The following LRFN2 variants were observed in gnomAD, a reference collection of about 807,000 sequenced individuals.
LRFN2 encodes the protein leucine rich repeat and fibronectin type III domain containing 2, also known as leucine-rich repeat and fibronectin type-III domain-containing protein 2.
A neutral mutation model predicts 37.3 loss-of-function variants in LRFN2; 18 were observed. The observed-to-expected ratio is 0.48, with a 90% CI of 0.33 to 0.72. The LOEUF is 0.72. Among genes scored for constraint, LRFN2 ranks in the 30% least tolerant of loss-of-function variants. The pLI, the probability that LRFN2 is intolerant of heterozygous loss-of-function variation, is 0.02. For synonymous variants in LRFN2, 556 were observed against 466.6 expected (o/e 1.19, Z -2.47); for missense variants, 1,006 against 1,060.7 (o/e 0.95, Z 0.72).
intron 1 of LRFN2, among the ~76,000 whole-genome samples, chr6:40,536,445 C>G (rs1347185085): frequency 6.6e-6 from 1 of 152,236 alleles, no homozygotes; most frequent in African/African-American, 2.4e-5. Flanking sequence ...CCCAAGGTCA[C>G]AGTGTGACTT....
chr6:40,424,769 G>C (rs546613441), intron 2 of LRFN2, among the ~76,000 whole-genome samples: 3 of 152,096 alleles, frequency 2.0e-5, no homozygotes, highest in Non-Finnish European at 4.4e-5. Context: ...CCGAGTCAAA[G>C]AATCTTCTCT....
chr6:40,408,657 C>G (rs1278405171), intron 2 of LRFN2, among the ~76,000 whole-genome samples: 1 of 152,174 alleles, frequency 6.6e-6, no homozygotes, highest in Non-Finnish European at 1.5e-5. Context: ...TACTTACCCT[C>G]TGCCTCAGTT....
chr6:40,425,604 A>T (rs1000421460), intron 2 of LRFN2, among the ~76,000 whole-genome samples: 1 of 152,042 alleles, frequency 6.6e-6, no homozygotes, highest in African/African-American at 2.4e-5. Flanking sequence ...TGTTGCTGTC[A>T]CCATTAGTGC....
Position 40,397,976 on chromosome 6 carries a change from C to T in LRFN2, c.1401-5064G>A, listed in dbSNP as rs116006222. On this transcript the variant is annotated intron_variant, in intron 2 of 2. Transcript: ENST00000338305. ...TGGCATTGGTTGTCACATTGAAGTG[C>T]ATGATGATTATTTCTGGTAACTTAG... Among the ~76,000 whole-genome samples the T allele has an allele frequency of 9.4e-3, 1,425 of 151,976 alleles. 30 individuals carry two copies. Among genetic ancestry groups the T allele is most frequent in the African/African-American group, 0.031 (1,290 of 41,524 alleles).
intron 1 of LRFN2, among the ~76,000 whole-genome samples, chr6:40,575,372 A>AG (rs1331450381): frequency 1.3e-5 from 2 of 151,974 alleles, no homozygotes; most frequent in Non-Finnish European, 2.9e-5. Context: ...CAGTCCTGAG[A>AG]GAGACCCCAT....
At chr6:40,567,035 G>A (rs914532742) in intron 1 of LRFN2, among the ~76,000 whole-genome samples, 9 of 151,464 alleles carry the variant, frequency 5.9e-5, no homozygotes, top group Non-Finnish European at 1.2e-4. Flanking sequence ...ACAATATTAT[G>A]TCTGTAGCCC....
intron 1 of LRFN2, among the ~76,000 whole-genome samples, chr6:40,463,256 T>C (rs890784199): frequency 6.6e-6 from 1 of 152,182 alleles, no homozygotes; most frequent in Non-Finnish European, 1.5e-5. Flanking sequence ...AGTTATATAA[T>C]AGTATTTTGT....
chr6:40,509,966 G>A (rs776598510), intron 1 of LRFN2, among the ~76,000 whole-genome samples: 1 of 151,846 alleles, frequency 6.6e-6, no homozygotes, highest in Non-Finnish European at 1.5e-5. Flanking sequence ...GTGTATGCAT[G>A]TGGGTATGCC....
chr6:40,486,872 T>C (rs568763184), intron 1 of LRFN2, among the ~76,000 whole-genome samples: 1 of 152,310 alleles, frequency 6.6e-6, no homozygotes, highest in South Asian at 2.1e-4. Context: ...CCTTCTGAGA[T>C]GATGCATGCC....
chr6:40,462,812 C>T (rs1362729582), intron 1 of LRFN2, among the ~76,000 whole-genome samples: 1 of 152,188 alleles, frequency 6.6e-6, no homozygotes, highest in Non-Finnish European at 1.5e-5. Flanking sequence ...GTGCACATGT[C>T]CACTGTTACC....
At chr6:40,558,901 G>A (rs1403999679) in intron 1 of LRFN2, among the ~76,000 whole-genome samples, 1 of 152,198 alleles carries the variant, frequency 6.6e-6, no homozygotes, top group Non-Finnish European at 1.5e-5. Context: ...GCTTGCCCGT[G>A]ACACTGTGCA....
At chr6:40,459,826 T>C (rs1764308757) in intron 1 of LRFN2, among the ~76,000 whole-genome samples, 1 of 152,196 alleles carries the variant, frequency 6.6e-6, no homozygotes, top group South Asian at 2.1e-4. Context: ...TGTCTCTGGC[T>C]AGGGGCCTCA....
At chr6:40,493,481 A>G (rs1002358510) in intron 1 of LRFN2, among the ~76,000 whole-genome samples, 19 of 152,102 alleles carry the variant, frequency 1.2e-4, no homozygotes, top group Non-Finnish European at 2.1e-4. Flanking sequence ...CTGCCTTCAC[A>G]TCTTCCATTT....
chr6:40,392,624 C>G lies in LRFN2; in HGVS notation c.1689G>C (p.Glu563Asp). ...CGGCCGCTGCCATCTTGCTGGGGGC[C>G]TCGTGGTTGCAGACCTTGTAGCGCA... ...LMVRYKVCNH[E>D]APSKMAAAVS... is the part of the protein sequence containing the mutation. The change falls in exon 3 of 3, where the codon GAG (glutamate) becomes GAC (aspartate). Residue 563 changes from glutamate (E) to aspartate (D), a missense_variant. This residue lies in a region of LRFN2 where 398 missense variants were observed against 327.6 expected (regional missense o/e 1.21). Transcript: ENST00000338305. The surrounding 1 kb of genome is among the most constrained non-coding windows in gnomAD (Gnocchi z 4.7). 6.2e-7 allele frequency: 1 copy of G among 1,611,230 alleles called. No homozygotes were observed. The highest frequency in any genetic ancestry group is 1.1e-5 in the South Asian group (1 of 91,086).
intron 2 of LRFN2, among the ~76,000 whole-genome samples, chr6:40,422,178 T>G (rs1200398186): frequency 3.3e-5 from 5 of 152,116 alleles, no homozygotes; most frequent in Non-Finnish European, 7.3e-5. Flanking sequence ...AGAAAAGATT[T>G]TTTCTTCCAA....
At chr6:40,450,162 C>T (rs960808559) in intron 1 of LRFN2, among the ~76,000 whole-genome samples, 1 of 152,192 alleles carries the variant, frequency 6.6e-6, no homozygotes, top group East Asian at 1.9e-4. Flanking sequence ...GAACTGTCCT[C>T]ACCGGCCTCC....
chr6:40,571,130 C>T (rs1767179523), intron 1 of LRFN2, among the ~76,000 whole-genome samples: 2 of 152,132 alleles, frequency 1.3e-5, no homozygotes, highest in Non-Finnish European at 2.9e-5. Context: ...CATCATGGTG[C>T]ATTATAATTG....
chr6:40,405,492 C>T lies in LRFN2; in HGVS notation c.1401-12580G>A, dbSNP rs974908025. On this transcript the variant is annotated intron_variant, in intron 2 of 2. Transcript: ENST00000338305. ...TTCATAAAGTACCTAGGTCAGTGCCCGGCACAGAGTAAGCCCCGCATGAGG... is the reference window on the plus strand; with the variant it reads ...TTCATAAAGTACCTAGGTCAGTGCCTGGCACAGAGTAAGCCCCGCATGAGG... Among the ~76,000 whole-genome samples, 14 of 152,122 alleles carry T rather than the reference C, an allele frequency of 9.2e-5. No homozygotes were observed. In the East Asian group the frequency reaches 9.6e-4, roughly 10 times the overall value.
Position 40,513,969 on chromosome 6 carries a change from G to A in LRFN2, c.-19+72972C>T, listed in dbSNP as rs1765783649. Among the ~76,000 whole-genome samples, 7 of 152,206 alleles carry A rather than the reference G, an allele frequency of 4.6e-5. No individual in the cohort carries two copies. The South Asian group carries it at 1.5e-3, about 32-fold the overall frequency. The stretch of plus-strand genomic sequence containing the variant: ...TATCAGGAGGGGGCCTGGCCAGAGA[G>A]GACAAGGGAGCAGGGAGGTGTCCAT... On this transcript the variant is annotated intron_variant, in intron 1 of 2. Transcript: ENST00000338305.
Sources: gnomAD v4.1 joint callset for allele counts (sites outside exome capture counted in the v4.1 genomes callset) on GRCh38, gnomAD v4.1.1 for gene constraint, gnomAD v4.1.1 regional missense constraint, Gnocchi (gnomAD v3.1) non-coding constraint, MANE v1.5 for transcripts, NCBI Gene and HGNC (gene_info 2026-07-23, HGNC 2026-07-21) for gene names.